SULT1B1: variants seen among roughly 807,000 people sequenced by gnomAD.
The protein encoded by SULT1B1 is sulfotransferase 1B1.
Under a neutral mutation model 34.6 loss-of-function variants are expected in SULT1B1, and 28 were observed. That is an observed-to-expected ratio of 0.81 (90% CI 0.60 to 1.11). The LOEUF is 1.11. Ranked by LOEUF, SULT1B1 falls within the 50% of genes least tolerant of loss-of-function variation. SULT1B1 has a pLI of 0.00. For synonymous variants in SULT1B1, 147 were observed against 110.2 expected, an observed-to-expected ratio of 1.33 and a Z score of -2.09; for missense variants, 374 against 352.2, an observed-to-expected ratio of 1.06 and a Z score of -0.50.
At chr4:69,738,974 C>A (rs1718430021) in intron 4 of SULT1B1, among the ~76,000 whole-genome samples, 1 of 152,192 alleles carries the variant, frequency 6.6e-6, no homozygotes, top group South Asian at 2.1e-4. Context: ...CCAAAATGAT[C>A]TCCTTTGACT....
At chr4:69,742,044 C>G (rs1718572498) in intron 4 of SULT1B1, among the ~76,000 whole-genome samples, 1 of 152,048 alleles carries the variant, frequency 6.6e-6, no homozygotes. Flanking sequence ...GAGGTATGGT[C>G]CTTCAATACC....
Position 69,725,410 on chromosome 4 carries a change from T to C in SULT1B1, c.*1678A>G, listed in dbSNP as rs574465512. On this transcript the variant is annotated 3_prime_UTR_variant, in exon 8 of 8. Coordinates refer to ENST00000310613, the MANE Select transcript of SULT1B1 (RefSeq NM_014465.4). ...GGATGTGGAGAAATAGGAACACTTT[T>C]ACACTTTTGGTGGGAGTGTAAACTA... 9.6e-4 allele frequency: 147 copies of C among 152,338 alleles called. 1 individual carries two copies. Among genetic ancestry groups the C allele is most frequent in the African/African-American group, 3.4e-3 (140 of 41,578 alleles). 9.4% of individuals were successfully genotyped at this position (152,338 alleles called of 1,614,324 possible).
chr4:69,725,816 G>T lies in SULT1B1; in HGVS notation c.*1272C>A, dbSNP rs2110014518. 6.6e-6 allele frequency: 1 copy of T among 151,192 alleles called. No individual in the cohort carries two copies. Among genetic ancestry groups the T allele is most frequent in the East Asian group, 2.0e-4 (1 of 5,096 alleles). 9.4% of individuals were successfully genotyped at this position (151,192 alleles called of 1,614,324 possible). A position where few individuals can be genotyped will look rare whatever the true frequency, so the allele number is the denominator to read the frequency against. The stretch of plus-strand genomic sequence containing the variant: ...ATGTTCTTAGTCATTGGTGGGAATT[G>T]AACGATGAGAACACTTGGACACAGG... On this transcript the variant is annotated 3_prime_UTR_variant, in exon 8 of 8. Coordinates refer to ENST00000310613, the MANE Select transcript of SULT1B1 (RefSeq NM_014465.4).
intron 4 of SULT1B1, among the ~76,000 whole-genome samples, chr4:69,748,089 T>C (rs1332252757): frequency 6.6e-6 from 1 of 152,014 alleles, no homozygotes; most frequent in Non-Finnish European, 1.5e-5. Context: ...AAGACAAAAA[T>C]TGGCAGAGTG....
At chr4:69,742,959 A>T (rs187731354) in intron 4 of SULT1B1, among the ~76,000 whole-genome samples, 10 of 152,322 alleles carry the variant, frequency 6.6e-5, no homozygotes, top group African/African-American at 2.2e-4. Flanking sequence ...ACCGAGGAAC[A>T]CAGTGGCACC....
rs115680086 is a variant in SULT1B1, at chr4:69,752,775, T to G, written c.277+1895A>C. Among the ~76,000 whole-genome samples, 579 of 152,338 alleles carry G rather than the reference T, an allele frequency of 3.8e-3. 5 individuals are homozygous for G. The highest frequency in any genetic ancestry group is 0.013 in the African/African-American group (549 of 41,568). On this transcript the variant is annotated intron_variant, in intron 3 of 7. Transcript: ENST00000310613. ...CCTCCATTATAGAAGAGGATTTGGA[T>G]ATTTCTCTTCACATTGGCATACAGG...
chr4:69,758,901 AT>A (rs774070479), intron 1 of SULT1B1, among the ~76,000 whole-genome samples: 8 of 152,168 alleles, frequency 5.3e-5, no homozygotes, highest in Non-Finnish European at 1.0e-4. Flanking sequence ...TACAAGCCCC[AT>A]GTGTTATTGG....
At chr4:69,745,643 G>T (rs569453523) in intron 4 of SULT1B1, among the ~76,000 whole-genome samples, 1 of 152,256 alleles carries the variant, frequency 6.6e-6, no homozygotes, top group East Asian at 1.9e-4. Flanking sequence ...CAGCAGAGTT[G>T]GGTCTTGCTT....
At chr4:69,738,472 A>C (rs1718404587) in intron 4 of SULT1B1, among the ~76,000 whole-genome samples, 1 of 152,184 alleles carries the variant, frequency 6.6e-6, no homozygotes, top group African/African-American at 2.4e-5. Flanking sequence ...GGGAAACACC[A>C]GACACTTATA....
Position 69,749,831 on chromosome 4 carries a change from G to C in SULT1B1, c.278-13C>G, listed in dbSNP as rs776316784. ...AATTGTTCTATACCTGAGAAATTTA[G>C]TTAAGTATAGGGAAATATTAGAGTC... On this transcript the variant is annotated splice_polypyrimidine_tract_variant and intron_variant, in intron 3 of 7. Transcript: ENST00000310613. 4.6e-5 allele frequency: 74 copies of C among 1,595,438 alleles called. No individual in the cohort carries two copies. The highest frequency in any genetic ancestry group is 6.7e-5 in the Admixed American group (4 of 59,962).
At chr4:69,736,376 T>G (rs576882804) in intron 4 of SULT1B1, among the ~76,000 whole-genome samples, 1 of 152,300 alleles carries the variant, frequency 6.6e-6, no homozygotes, top group African/African-American at 2.4e-5. Flanking sequence ...ACTAAGGGAC[T>G]GCTTGTGCCA....
chr4:69,754,955 G>T, intron 2 of SULT1B1, 115 bp downstream of exon 2: 2 of 1,232,866 alleles, frequency 1.6e-6, no homozygotes, highest in African/African-American at 1.5e-5. Context: ...AAAATAGATG[G>T]CTGCACAAAA....
intron 3 of SULT1B1, among the ~76,000 whole-genome samples, chr4:69,750,117 G>A (rs1245694701): frequency 6.6e-6 from 1 of 152,094 alleles, no homozygotes; most frequent in Non-Finnish European, 1.5e-5. Flanking sequence ...CAAAAGGAGA[G>A]ATAATAATAC....
chr4:69,754,803 G>A lies in SULT1B1; in HGVS notation c.149-5C>T. On this transcript the variant is annotated splice_polypyrimidine_tract_variant and splice_region_variant and intron_variant, in intron 2 of 7. Transcript: ENST00000310613. The stretch of plus-strand genomic sequence containing the variant: ...TTTCACTAACCCAAGTAGTACCTGT[G>A]ACAAAAGGCAACATTTTCAAAATAA... 1.2e-6 allele frequency: 2 copies of A among 1,606,794 alleles called. No homozygotes were observed. The highest frequency in any genetic ancestry group is 1.7e-6 in the Non-Finnish European group (2 of 1,177,200).
chr4:69,755,842 T>A (rs1266094091), intron 1 of SULT1B1, among the ~76,000 whole-genome samples: 3 of 152,220 alleles, frequency 2.0e-5, no homozygotes, highest in Non-Finnish European at 4.4e-5. Context: ...CCATCAAATT[T>A]GGATAATTTT....
chr4:69,749,590 G>A (rs1503723), intron 4 of SULT1B1, 131 bp downstream of exon 4: 175,794 of 528,646 alleles, frequency 0.33, 31,423 homozygotes, highest in South Asian at 0.45. Flanking sequence ...TACGTACAAC[G>A]TGAGTGGGTA....
rs951735073 is a variant in SULT1B1, at chr4:69,721,483, G to C, written c.*5605C>G. ...AAGAAATTATAGTATCTTTTTTTCT[G>C]TATATGAAAGGAATTACAAAATATG... is the stretch of plus-strand genomic sequence containing the variant. On this transcript the variant is annotated 3_prime_UTR_variant, in exon 8 of 8. Transcript: ENST00000310613. 11 of 151,904 alleles carry C rather than the reference G, an allele frequency of 7.2e-5. No homozygotes were observed. Among genetic ancestry groups the C allele is most frequent in the Non-Finnish European group, 1.3e-4 (9 of 67,934 alleles). The allele number at this position is 151,904 out of a possible 1,614,324, so 9.4% of individuals were successfully genotyped here. A position where few individuals can be genotyped will look rare whatever the true frequency, so the allele number is the denominator to read the frequency against.
rs1717674064 is a variant in SULT1B1 at position 69,721,757 on chromosome 4, C to A, written c.*5331G>T. On this transcript the variant is annotated 3_prime_UTR_variant, in exon 8 of 8. Transcript: ENST00000310613. Reference sequence around the variant, plus strand: ...TGTCATGATGAAAAGTTCTTGTAAGCAATGCTTTGGCTTTTTAGAAAATAG... The same window carrying A: ...TGTCATGATGAAAAGTTCTTGTAAGAAATGCTTTGGCTTTTTAGAAAATAG... 6.6e-6 allele frequency: 1 copy of A among 152,004 alleles called. No individual in the cohort carries two copies. The highest frequency in any genetic ancestry group is 1.5e-5 in the Non-Finnish European group (1 of 67,962). The allele number at this position is 152,004 out of a possible 1,614,324, so 9.4% of individuals were successfully genotyped here.
At position 69,733,070 on chromosome 4, in the gene SULT1B1, G is replaced by A. The variant is rs1005196496; in HGVS notation, c.597+343C>T. On this transcript the variant is annotated intron_variant, in intron 6 of 7. Coordinates refer to ENST00000310613, the MANE Select transcript of SULT1B1 (RefSeq NM_014465.4). The stretch of plus-strand genomic sequence containing the variant: ...ACAATAAGCGTGGAAGGGGTAACTC[G>A]AATATAGCAAACAATTTTTAAAAAC... Among the ~76,000 whole-genome samples, 6 of 152,124 alleles carry A rather than the reference G, an allele frequency of 3.9e-5. No individual in the cohort carries two copies. The South Asian group carries it at 1.0e-3, about 26-fold the overall frequency.
Sources: gnomAD v4.1 joint callset for allele counts (sites outside exome capture counted in the v4.1 genomes callset) on GRCh38, gnomAD v4.1.1 for gene constraint, MANE v1.5 for transcripts, NCBI Gene and HGNC (gene_info 2026-07-23, HGNC 2026-07-21) for gene names.